Variants in EBF4 observed in about 807,000 individuals in gnomAD.
EBF4 encodes the protein transcription factor COE4.
A neutral mutation model predicts 67.1 loss-of-function variants in EBF4; 34 were observed. That is an observed-to-expected ratio of 0.51 (90% CI 0.39 to 0.67). The LOEUF is 0.67. Among genes scored for constraint, EBF4 ranks in the 30% least tolerant of loss-of-function variants. EBF4 has a pLI of 0.00. For missense variants in EBF4, 837 were observed against 873.3 expected (o/e 0.96, Z 0.52); for synonymous variants, 387 against 377.7 (o/e 1.02, Z -0.29).
rs974790065 is a variant in EBF4 at position 2,707,851 on chromosome 20, G to C, written c.415-96G>C. 1.1e-5 allele frequency: 14 copies of C among 1,259,408 alleles called. No individual in the cohort carries two copies. The Admixed American group carries it at 2.2e-4, about 19-fold the overall frequency. The allele number at this position is 1,259,408 out of a possible 1,614,324, so 78.0% of individuals were successfully genotyped here. ...TCTTCCCTGGGGCAGGGTCTCCCTG[G>C]GCCTAGGCTTGGGAGATGCCAGGTC... On this transcript the variant is annotated intron_variant, in intron 4 of 16. Coordinates refer to ENST00000609451, the Ensembl canonical transcript of EBF4. The surrounding 1 kb of genome is among the most constrained non-coding windows in gnomAD (Gnocchi z 4.6).
At position 2,751,832 on chromosome 20, in the gene EBF4, G is replaced by A. The variant is rs1303337375; in HGVS notation, c.1107+44G>A. 1.3e-6 allele frequency: 2 copies of A among 1,545,636 alleles called. No individual in the cohort carries two copies. The highest frequency in any genetic ancestry group is 2.0e-5 in the Admixed American group (1 of 50,986). On this transcript the variant is annotated intron_variant, in intron 11 of 16. Transcript: ENST00000609451. The surrounding 1 kb of genome is among the most constrained non-coding windows in gnomAD (Gnocchi z 5.2). ...CGGGGCGGGGCTGAGGGTGTCCTGTGGGCAAGGGGGTGAGGAGGGGCTCCC... is the reference window on the plus strand; with the variant it reads ...CGGGGCGGGGCTGAGGGTGTCCTGTAGGCAAGGGGGTGAGGAGGGGCTCCC...
chr20:2,722,172 A>T (rs568360810), intron 6 of EBF4, among the ~76,000 whole-genome samples: 6 of 152,118 alleles, frequency 3.9e-5, no homozygotes, highest in Admixed American at 2.6e-4. Context: ...AGTAACCAGG[A>T]CTACAGGTAT....
At chr20:2,753,907 GCTC>G (rs1366471905) in intron 14 of EBF4, among the ~76,000 whole-genome samples, 1 of 151,790 alleles carries the variant, frequency 6.6e-6, no homozygotes, top group Non-Finnish European at 1.5e-5. Flanking sequence ...AGGATTGACT[GCTC>G]CTCCTTCCCT....
intron 6 of EBF4, among the ~76,000 whole-genome samples, chr20:2,748,257 T>C (rs980934493): frequency 1.3e-5 from 2 of 152,130 alleles, no homozygotes; most frequent in African/African-American, 4.8e-5. Context: ...TCATGGTGAA[T>C]ATATACTGTG....
chr20:2,759,417 C>T (rs563701484), downstream of EBF4: 3 of 220,892 alleles, frequency 1.4e-5, no homozygotes, highest in Non-Finnish European at 2.7e-5. Flanking sequence ...ACCCCATGCT[C>T]AAGCCTCCCC....
rs1233014168 is a variant in EBF4 at position 2,739,415 on chromosome 20, G to A, written c.558-9134G>A. ...CACCCAAGACCAAATTGGAGCTCTAGGAAGCATTCCGCCTCCCCTAGGCAA... is the reference window on the plus strand; with the variant it reads ...CACCCAAGACCAAATTGGAGCTCTAAGAAGCATTCCGCCTCCCCTAGGCAA... On this transcript the variant is annotated intron_variant, in intron 6 of 16. Coordinates refer to ENST00000609451, the Ensembl canonical transcript of EBF4. This position sits in a 1 kb window ranked among gnomAD's most constrained non-coding sequence, Gnocchi z 4.5. 6.6e-6 allele frequency among the ~76,000 whole-genome samples: 1 copy of A among 152,012 alleles called. No homozygotes were observed. The highest frequency in any genetic ancestry group is 1.5e-5 in the Non-Finnish European group (1 of 67,990).
intron 6 of EBF4, among the ~76,000 whole-genome samples, chr20:2,737,817 G>GA (rs5839969): frequency 0.02 from 2,819 of 143,764 alleles, 37 homozygotes; most frequent in Non-Finnish European, 0.028. Flanking sequence ...CTAAAAATGT[G>GA]AAAAAAAAAA....
At position 2,693,915 on chromosome 20, in the gene EBF4, C is replaced by A; in HGVS notation, c.137+133C>A. ...GGACGGTCCCGGCGAGCTCCCCGGC[C>A]CACCCCGTCCGGAGTGCCTGTGCTG... On this transcript the variant is annotated intron_variant, in intron 1 of 16. Coordinates refer to ENST00000609451, the Ensembl canonical transcript of EBF4. The surrounding 1 kb of genome is among the most constrained non-coding windows in gnomAD (Gnocchi z 4.6). 1.7e-6 allele frequency: 2 copies of A among 1,172,550 alleles called. No homozygotes were observed. The highest frequency in any genetic ancestry group is 2.1e-6 in the Non-Finnish European group (2 of 932,332). The allele number at this position is 1,172,550 out of a possible 1,614,324, so 72.6% of individuals were successfully genotyped here. A position where few individuals can be genotyped will look rare whatever the true frequency, so the allele number is the denominator to read the frequency against.
chr20:2,702,156 G>C (rs541034292), intron 1 of EBF4, among the ~76,000 whole-genome samples: 1 of 152,190 alleles, frequency 6.6e-6, no homozygotes, highest in Non-Finnish European at 1.5e-5. Flanking sequence ...TGTTGAGGCC[G>C]GGCGCAGTGG....
At chr20:2,749,594 G>A (rs1055389138) in intron 8 of EBF4, 26 bp from the exon 9 acceptor site, 1 of 1,550,476 alleles carries the variant, frequency 6.4e-7, no homozygotes, top group African/African-American at 1.4e-5. Flanking sequence ...GCGGTCCCCT[G>A]ACCTGGGTCC....
chr20:2,732,478 A>G (rs1316670447), intron 6 of EBF4, among the ~76,000 whole-genome samples: 1 of 152,194 alleles, frequency 6.6e-6, no homozygotes, highest in East Asian at 1.9e-4. Flanking sequence ...AGACACTTTT[A>G]TCATTATAAC....
At chr20:2,734,665 A>G (rs2087855616) in intron 6 of EBF4, among the ~76,000 whole-genome samples, 1 of 152,208 alleles carries the variant, frequency 6.6e-6, no homozygotes, top group Admixed American at 6.5e-5. Context: ...CTAATTATAT[A>G]AAGTCTATAT....
intron 6 of EBF4, among the ~76,000 whole-genome samples, chr20:2,737,361 G>C (rs1436766397): frequency 1.3e-5 from 2 of 152,020 alleles, no homozygotes; most frequent in African/African-American, 4.8e-5. Context: ...TGAGTGAACC[G>C]CCTGCAACTT....
At chr20:2,706,714 G>A (rs2087464539) in intron 4 of EBF4, among the ~76,000 whole-genome samples, 1 of 152,188 alleles carries the variant, frequency 6.6e-6, no homozygotes, top group Non-Finnish European at 1.5e-5. Context: ...CCTAAGGGTA[G>A]CACGTAACCT....
At chr20:2,743,302 G>A (rs966473741) in intron 6 of EBF4, among the ~76,000 whole-genome samples, 18 of 152,174 alleles carry the variant, frequency 1.2e-4, no homozygotes, top group Admixed American at 6.5e-4. Flanking sequence ...AGCGGCACCC[G>A]GAGGGTCGGC....
At chr20:2,753,362 G>A (rs1219864119) in intron 14 of EBF4, among the ~76,000 whole-genome samples, 1 of 152,190 alleles carries the variant, frequency 6.6e-6, no homozygotes, top group African/African-American at 2.4e-5. Context: ...GTGACCTTCC[G>A]AACGGCTTTG....
chr20:2,731,125 G>A (rs1032909041), intron 6 of EBF4, among the ~76,000 whole-genome samples: 5 of 152,126 alleles, frequency 3.3e-5, no homozygotes, highest in African/African-American at 4.8e-5. Context: ...TCTCAATCTC[G>A]TGACCTCGTG....
At chr20:2,754,673 G>A (rs1258144474) in intron 14 of EBF4, among the ~76,000 whole-genome samples, 1 of 152,178 alleles carries the variant, frequency 6.6e-6, no homozygotes, top group Non-Finnish European at 1.5e-5. Flanking sequence ...CTGCTGCCTG[G>A]ACAATACTCA....
intron 6 of EBF4, among the ~76,000 whole-genome samples, chr20:2,737,056 T>C (rs374522503): frequency 8.6e-5 from 13 of 151,916 alleles, no homozygotes; most frequent in Admixed American, 2.6e-4. Flanking sequence ...GAGACCATCC[T>C]GGCTAACACG....
Sources: gnomAD v4.1 joint callset for allele counts (sites outside exome capture counted in the v4.1 genomes callset) on GRCh38, gnomAD v4.1.1 for gene constraint, Gnocchi (gnomAD v3.1) non-coding constraint, MANE v1.5 for transcripts, NCBI Gene and HGNC (gene_info 2026-07-23, HGNC 2026-07-21) for gene names.